The following SORBS2 variants were observed in gnomAD, a reference collection of about 807,000 sequenced individuals.
The protein encoded by SORBS2 is sorbin and SH3 domain-containing protein 2.
A neutral mutation model predicts 97.7 loss-of-function variants in SORBS2; 46 were observed. That is an observed-to-expected ratio of 0.47 (90% CI 0.37 to 0.60). The LOEUF is 0.60. Ranked by LOEUF, SORBS2 falls within the 20% of genes least tolerant of loss-of-function variation. The pLI is 0.00. For missense variants in SORBS2, 1,316 were observed against 1,282.3 expected (o/e 1.03, Z -0.40); for synonymous variants, 476 against 473.4 (o/e 1.01, Z -0.07).
chr4:185,878,133 T>C (rs1017471237), intron 1 of SORBS2, among the ~76,000 whole-genome samples: 1 of 152,178 alleles, frequency 6.6e-6, no homozygotes, highest in Non-Finnish European at 1.5e-5. Flanking sequence ...ATTGCTGTGA[T>C]ACTATTTTGT....
chr4:185,817,197 T>C (rs1356691587), intron 1 of SORBS2, among the ~76,000 whole-genome samples: 11 of 151,686 alleles, frequency 7.3e-5, no homozygotes, highest in Admixed American at 7.2e-4. Flanking sequence ...AAAATAATGG[T>C]GTTATCCAAT....
intron 1 of SORBS2, among the ~76,000 whole-genome samples, chr4:185,788,967 G>T (rs1011807830): frequency 1.3e-5 from 2 of 152,144 alleles, no homozygotes; most frequent in African/African-American, 2.4e-5. Flanking sequence ...TAACCACAAG[G>T]GTGCTGGAAA....
chr4:185,791,925 AACAG>A (rs1409223198), intron 1 of SORBS2, among the ~76,000 whole-genome samples: 1 of 152,172 alleles, frequency 6.6e-6, no homozygotes, highest in African/African-American at 2.4e-5. Flanking sequence ...ACTGCCAGTA[AACAG>A]ACAGGCCCCC....
At chr4:185,640,311 T>C (rs922329883) in intron 4 of SORBS2, among the ~76,000 whole-genome samples, 3 of 152,238 alleles carry the variant, frequency 2.0e-5, no homozygotes, top group African/African-American at 7.2e-5. Flanking sequence ...AAAGCTTGTC[T>C]CTGCATGAAC....
At chr4:185,783,682 G>A (rs1158895598) in intron 1 of SORBS2, among the ~76,000 whole-genome samples, 3 of 152,148 alleles carry the variant, frequency 2.0e-5, no homozygotes, top group East Asian at 3.9e-4. Flanking sequence ...GTCTCCAGTG[G>A]CAGGCATGAG....
chr4:185,659,543 A>C (rs925950250), upstream of SORBS2, among the ~76,000 whole-genome samples: 25 of 151,314 alleles, frequency 1.7e-4, no homozygotes, highest in African/African-American at 5.6e-4. Flanking sequence ...CAGCCTCCCG[A>C]GTAGCTGGGA....
chr4:185,919,498 T>A (rs1446375239), intron 1 of SORBS2: 3 of 152,226 alleles, frequency 2.0e-5, no homozygotes, highest in Non-Finnish European at 4.4e-5. Context: ...AGAATAATAT[T>A]ATCTCTTCCC....
chr4:185,701,946 A>G (rs2098269048), intron 2 of SORBS2, among the ~76,000 whole-genome samples: 1 of 151,750 alleles, frequency 6.6e-6, no homozygotes, highest in African/African-American at 2.4e-5. Flanking sequence ...AATTTTTTGT[A>G]TTTTAGTAGA....
Position 185,789,489 on chromosome 4 carries a change from A to G in SORBS2, c.-337-14123T>C, listed in dbSNP as rs537807071. 9.7e-4 allele frequency among the ~76,000 whole-genome samples: 147 copies of G among 151,070 alleles called. 1 individual carries two copies. Among genetic ancestry groups the G allele is most frequent in the African/African-American group, 3.4e-3 (141 of 41,384 alleles). On this transcript the variant is annotated intron_variant, in intron 1 of 20. Transcript: ENST00000284776. The stretch of plus-strand genomic sequence containing the variant: ...ATATTTATAAGTATAATTAATATAT[A>G]ATTGTGTATTAGATAATAGAGTAAT...
chr4:185,901,293 T>A (rs2099247621), intron 1 of SORBS2, among the ~76,000 whole-genome samples: 1 of 152,018 alleles, frequency 6.6e-6, no homozygotes, highest in South Asian at 2.1e-4. Context: ...AACCTCTACC[T>A]CCTGGGTTCA....
At chr4:185,784,858 C>T (rs993205187) in intron 1 of SORBS2, among the ~76,000 whole-genome samples, 5 of 152,188 alleles carry the variant, frequency 3.3e-5, no homozygotes, top group African/African-American at 1.2e-4. Context: ...GGAGCAAAAT[C>T]TGCCATGAAA....
At chr4:185,652,302 C>T (rs2097328771) in intron 2 of SORBS2, among the ~76,000 whole-genome samples, 1 of 152,212 alleles carries the variant, frequency 6.6e-6, no homozygotes, top group African/African-American at 2.4e-5. Context: ...CAGGCTCAGG[C>T]AGACCCGCGC....
chr4:185,886,203 T>C (rs2099239358), intron 1 of SORBS2, among the ~76,000 whole-genome samples: 2 of 152,116 alleles, frequency 1.3e-5, no homozygotes, highest in Admixed American at 1.3e-4. Context: ...GAAACTCTTA[T>C]GAAAGGAAAT....
intron 1 of SORBS2, among the ~76,000 whole-genome samples, chr4:185,859,239 A>C (rs1422429446): frequency 1.3e-5 from 2 of 152,210 alleles, no homozygotes; most frequent in African/African-American, 4.8e-5. Context: ...CATTCTGTGA[A>C]TGGACTGTGA....
At chr4:185,690,906 CT>C (rs34540920) in intron 2 of SORBS2, among the ~76,000 whole-genome samples, 141,513 of 146,548 alleles carry the variant, frequency 0.97, 68,442 homozygotes, top group East Asian at 1. Context: ...TTTTTTCTTT[CT>C]TTTTTTTTTT....
At chr4:185,741,403 T>TA in intron 2 of SORBS2, among the ~76,000 whole-genome samples, 1 of 112,472 alleles carries the variant, frequency 8.9e-6, no homozygotes, top group East Asian at 2.2e-4. Context: ...CTTTTTTTTT[T>TA]GTTTTTTTTT....
intron 1 of SORBS2, among the ~76,000 whole-genome samples, chr4:185,818,699 G>A (rs544330312): frequency 3.3e-5 from 5 of 151,936 alleles, no homozygotes; most frequent in Admixed American, 1.3e-4. Context: ...GGTGGTGGGC[G>A]CCTGTAGTCC....
chr4:185,595,201 T>TAAC (rs755346130), intron 12 of SORBS2, among the ~76,000 whole-genome samples: 2 of 152,184 alleles, frequency 1.3e-5, no homozygotes. Flanking sequence ...CTGACTCGGT[T>TAAC]AACTGGAAAC....
chr4:185,949,212 T>G (rs2099276003), intron 1 of SORBS2, among the ~76,000 whole-genome samples: 1 of 152,140 alleles, frequency 6.6e-6, no homozygotes, highest in Admixed American at 6.5e-5. Context: ...AGAATAAAAT[T>G]GCAGGAGGAA....
Sources: allele counts gnomAD v4.1 joint callset (sites outside exome capture counted in the v4.1 genomes callset), GRCh38; gene constraint gnomAD v4.1.1; transcripts MANE v1.5; gene names NCBI Gene and HGNC (gene_info 2026-07-23, HGNC 2026-07-21).